Variants in LNP1 observed in about 807,000 individuals in gnomAD.
The protein encoded by LNP1 is leukemia NUP98 fusion partner 1.
A neutral mutation model predicts 14.5 loss-of-function variants in LNP1; 12 were observed. The observed-to-expected ratio is 0.83, with a 90% CI of 0.53 to 1.34. The LOEUF (loss-of-function observed/expected upper bound fraction) is 1.34. LNP1 is among the 40% of genes most tolerant of loss of function. The pLI is 0.00. For synonymous variants in LNP1, 75 were observed against 71.4 expected (o/e 1.05, Z -0.26); for missense variants, 198 against 210.9 (o/e 0.94, Z 0.38).
At chr3:100,425,792 A>G (rs1707186251) in intron 1 of LNP1, among the ~76,000 whole-genome samples, 1 of 152,210 alleles carries the variant, frequency 6.6e-6, no homozygotes, top group African/African-American at 2.4e-5. Flanking sequence ...GAATTTTCAA[A>G]ATTTTCAGAC....
At chr3:100,444,601 A>G (rs1171020178) in intron 2 of LNP1, among the ~76,000 whole-genome samples, 2 of 152,224 alleles carry the variant, frequency 1.3e-5, no homozygotes, top group African/African-American at 2.4e-5. Flanking sequence ...TCAAATATCC[A>G]AGGTTTAAAA....
intron 1 of LNP1, among the ~76,000 whole-genome samples, chr3:100,425,528 T>C (rs1340602405): frequency 6.6e-6 from 1 of 152,218 alleles, no homozygotes; most frequent in Non-Finnish European, 1.5e-5. Flanking sequence ...AGATCATTAA[T>C]GCCCTCTTTC....
At chr3:100,445,308 C>T (rs929789459) in intron 2 of LNP1, among the ~76,000 whole-genome samples, 3 of 152,134 alleles carry the variant, frequency 2.0e-5, no homozygotes, top group Non-Finnish European at 4.4e-5. Context: ...TTTTATCTCT[C>T]AAAATTAGCC....
intron 2 of LNP1, among the ~76,000 whole-genome samples, chr3:100,430,163 T>C (rs2148903484): frequency 6.6e-6 from 1 of 152,328 alleles, no homozygotes; most frequent in South Asian, 2.1e-4. Context: ...ATAATCCCAC[T>C]GAGTGACGGA....
At chr3:100,435,890 T>G (rs995107078) in intron 2 of LNP1, among the ~76,000 whole-genome samples, 2 of 152,144 alleles carry the variant, frequency 1.3e-5, no homozygotes, top group Non-Finnish European at 2.9e-5. Flanking sequence ...AAGATCTTCT[T>G]AGGACAGGAA....
At chr3:100,447,398 A>G (rs1707398440) in intron 2 of LNP1, among the ~76,000 whole-genome samples, 1 of 152,094 alleles carries the variant, frequency 6.6e-6, no homozygotes, top group Admixed American at 6.6e-5. Context: ...GAATTGAACA[A>G]TGAGATCACT....
Position 100,401,769 on chromosome 3 carries a change from A to T in LNP1, c.-704A>T, listed in dbSNP as rs577345959. 1.3e-5 allele frequency: 2 copies of T among 152,226 alleles called. No individual in the cohort carries two copies. The highest frequency in any genetic ancestry group is 4.8e-5 in the African/African-American group (2 of 41,454). 9.4% of individuals were successfully genotyped at this position (152,226 alleles called of 1,614,324 possible). A position where few individuals can be genotyped will look rare whatever the true frequency, so the allele number is the denominator to read the frequency against. On this transcript the variant is annotated 5_prime_UTR_variant, in exon 1 of 4. Transcript: ENST00000383693. ...ATAGGGGAGATAGCGATGGCAGAAG[A>T]CTAGGTGGAAATGGCACATCTAGGT...
At chr3:100,415,016 A>G (rs889885178) in intron 1 of LNP1, among the ~76,000 whole-genome samples, 2 of 152,250 alleles carry the variant, frequency 1.3e-5, no homozygotes, top group African/African-American at 2.4e-5. Flanking sequence ...ACCGCATACC[A>G]TACACAAAAT....
rs114788428 is a variant in LNP1 at position 100,415,104 on chromosome 3, T to C, written c.-34+12665T>C. On this transcript the variant is annotated intron_variant, in intron 1 of 3. Coordinates refer to ENST00000383693, the MANE Select transcript of LNP1 (RefSeq NM_001085451.2). Reference sequence around the variant, plus strand: ...ATGTGAGAGAATATCTTGATGACTTTGTGATAGGGTAAAGGATAAGCTTGT... The same window carrying C: ...ATGTGAGAGAATATCTTGATGACTTCGTGATAGGGTAAAGGATAAGCTTGT... 4.0e-3 allele frequency among the ~76,000 whole-genome samples: 612 copies of C among 152,306 alleles called. 3 individuals are homozygous for C. Among genetic ancestry groups the C allele is most frequent in the South Asian group, 7.9e-3 (38 of 4,830 alleles).
At chr3:100,442,269 A>G (rs970467854) in intron 2 of LNP1, among the ~76,000 whole-genome samples, 1 of 152,140 alleles carries the variant, frequency 6.6e-6, no homozygotes, top group African/African-American at 2.4e-5. Flanking sequence ...ACTGTAGGAG[A>G]AAAGTCTTAC....
At chr3:100,423,833 C>A (rs1048596935) in intron 1 of LNP1, among the ~76,000 whole-genome samples, 1 of 152,158 alleles carries the variant, frequency 6.6e-6, no homozygotes, top group African/African-American at 2.4e-5. Context: ...AAGCGCAGCT[C>A]CCTTTGGTAC....
At chr3:100,420,048 C>A (rs887333719) in intron 1 of LNP1, among the ~76,000 whole-genome samples, 4 of 152,148 alleles carry the variant, frequency 2.6e-5, no homozygotes, top group African/African-American at 9.7e-5. Context: ...TGTTAATACT[C>A]TTTTTAAATT....
At chr3:100,432,639 G>T (rs1489764670) in intron 2 of LNP1, among the ~76,000 whole-genome samples, 1 of 152,136 alleles carries the variant, frequency 6.6e-6, no homozygotes, top group African/African-American at 2.4e-5. Context: ...GCTGTCCTTA[G>T]TGAAAAAACA....
At chr3:100,424,301 A>G (rs998159859) in intron 1 of LNP1, among the ~76,000 whole-genome samples, 52 of 152,312 alleles carry the variant, frequency 3.4e-4, no homozygotes, top group African/African-American at 1.2e-3. Context: ...AAGGACTTAT[A>G]AGGCTCAGCA....
chr3:100,423,941 G>A lies in LNP1; in HGVS notation c.-33-5756G>A, dbSNP rs115096524. On this transcript the variant is annotated intron_variant, in intron 1 of 3. Transcript: ENST00000383693. ...GGAGTGGGCTGGAGCCTCCCCTCAG[G>A]CCAGGGCTCCCAAGAAAGCCCAGAA... Among the ~76,000 whole-genome samples, 759 of 152,262 alleles carry A rather than the reference G, an allele frequency of 5.0e-3. 11 individuals are homozygous for A. The highest frequency in any genetic ancestry group is 0.018 in the African/African-American group (731 of 41,542).
chr3:100,419,846 C>G (rs1164702127), intron 1 of LNP1, among the ~76,000 whole-genome samples: 1 of 152,096 alleles, frequency 6.6e-6, no homozygotes, highest in Non-Finnish European at 1.5e-5. Flanking sequence ...CATGTGCAGG[C>G]TCTTGCATGA....
At chr3:100,416,599 T>G (rs1372326) in intron 1 of LNP1, among the ~76,000 whole-genome samples, 32,276 of 94,526 alleles carry the variant, frequency 0.34, 4,310 homozygotes, top group East Asian at 0.43. Flanking sequence ...TATATCTTTT[T>G]TGTGTGTGTG....
At chr3:100,410,547 G>A (rs542758338) in intron 1 of LNP1, among the ~76,000 whole-genome samples, 14 of 152,284 alleles carry the variant, frequency 9.2e-5, no homozygotes, top group Admixed American at 8.5e-4. Context: ...GCTGCTTATA[G>A]TAAAATGCAA....
intron 1 of LNP1, among the ~76,000 whole-genome samples, chr3:100,417,360 C>CTTTT (rs1559840937): frequency 9.5e-6 from 1 of 104,998 alleles, no homozygotes; most frequent in African/African-American, 3.7e-5. Flanking sequence ...TTCTTTCTTT[C>CTTTT]TTTCTTTTTT....
Sources: allele counts gnomAD v4.1 joint callset (sites outside exome capture counted in the v4.1 genomes callset), GRCh38; gene constraint gnomAD v4.1.1; transcripts MANE v1.5; gene names NCBI Gene and HGNC (gene_info 2026-07-23, HGNC 2026-07-21).